Variants in PRPF3 observed in about 807,000 individuals in gnomAD.
PRPF3 encodes the protein U4/U6 small nuclear ribonucleoprotein Prp3.
PRPF3 carries 3 observed loss-of-function variants against 89.2 expected under a neutral mutation model. That is an observed-to-expected ratio of 0.03 (90% confidence interval 0.02 to 0.09). The LOEUF (loss-of-function observed/expected upper bound fraction) is 0.09. PRPF3 is among the 10% of genes least tolerant of loss of function. PRPF3 has a pLI of 1.00. For missense variants in PRPF3, 463 were observed against 828.8 expected (o/e 0.56, Z 5.42); for synonymous variants, 270 against 289.1 (o/e 0.93, Z 0.67).
At chr1:150,324,039 A>C (rs1655420653) in intron 1 of PRPF3, among the ~76,000 whole-genome samples, 1 of 152,032 alleles carries the variant, frequency 6.6e-6, no homozygotes, top group African/African-American at 2.4e-5. Context: ...TCAGCCTCCC[A>C]AAGTGCTGGG....
chr1:150,337,010 T>C (rs1657076554), intron 7 of PRPF3, among the ~76,000 whole-genome samples: 2 of 150,588 alleles, frequency 1.3e-5, no homozygotes, highest in Non-Finnish European at 2.9e-5. Flanking sequence ...CGCCTTTTTA[T>C]CCTCTCAAAG....
At chr1:150,341,105 C>CAAA (rs71086503) in intron 9 of PRPF3, among the ~76,000 whole-genome samples, 26 of 86,192 alleles carry the variant, frequency 3.0e-4, no homozygotes, top group East Asian at 1.2e-3. Flanking sequence ...GACCTTGTCT[C>CAAA]AAAAAAAAAA....
At chr1:150,343,882 C>G (rs914554429) in intron 10 of PRPF3, among the ~76,000 whole-genome samples, 11 of 152,166 alleles carry the variant, frequency 7.2e-5, no homozygotes, top group Non-Finnish European at 1.5e-4. Context: ...TCACTAGATG[C>G]TGTGATCAGT....
intron 7 of PRPF3, 136 bp from the exon 8 acceptor site, chr1:150,338,024 A>G: frequency 1.2e-6 from 1 of 855,964 alleles, no homozygotes; most frequent in Non-Finnish European, 1.8e-6. Flanking sequence ...CTGTTAGCCA[A>G]GACCATGCCA....
intron 3 of PRPF3, chr1:150,327,786 G>A (rs1425728615): frequency 3.6e-6 from 1 of 278,208 alleles, no homozygotes; most frequent in South Asian, 1.3e-4. Context: ...GGGGATTACT[G>A]AAGAAGAAAG....
At chr1:150,338,100 A>C in intron 7 of PRPF3, 60 bp from the exon 8 acceptor site, 1 of 1,555,534 alleles carries the variant, frequency 6.4e-7, no homozygotes, top group East Asian at 2.3e-5. Flanking sequence ...TTGAGATTCT[A>C]CACATTCTGT....
intron 1 of PRPF3, among the ~76,000 whole-genome samples, chr1:150,323,624 GAC>G (rs1491015227): frequency 2.2e-4 from 25 of 113,064 alleles, no homozygotes; most frequent in African/African-American, 8.4e-4. Context: ...GACGGAGTGA[GAC>G]TCTGTCTCAA....
At chr1:150,328,975 A>G (rs184881868) in intron 4 of PRPF3, among the ~76,000 whole-genome samples, 64 of 151,388 alleles carry the variant, frequency 4.2e-4, no homozygotes, top group Admixed American at 4.2e-3. Flanking sequence ...TATAGGCGTG[A>G]GCCAGCGTGC....
intron 1 of PRPF3, among the ~76,000 whole-genome samples, chr1:150,323,845 T>C (rs1260400): frequency 0.67 from 97,709 of 145,862 alleles, 33,464 homozygotes; most frequent in African/African-American, 0.81. Context: ...GGCGCGATCT[T>C]GGCTCACTGC....
chr1:150,346,955 G>A (rs1658325951), intron 14 of PRPF3, among the ~76,000 whole-genome samples: 1 of 152,088 alleles, frequency 6.6e-6, no homozygotes, highest in African/African-American at 2.4e-5. Context: ...GCTGGATGTG[G>A]TGGCACACAC....
At chr1:150,330,873 C>G (rs587645665) in intron 4 of PRPF3, among the ~76,000 whole-genome samples, 4 of 150,632 alleles carry the variant, frequency 2.7e-5, no homozygotes, top group Admixed American at 1.3e-4. Flanking sequence ...CGCGCCACCA[C>G]GCCTAGCTAA....
chr1:150,332,755 C>T lies in PRPF3; in HGVS notation c.495C>T (p.Pro165=). 1 of 1,614,018 alleles carries T rather than the reference C, an allele frequency of 6.2e-7. No homozygotes were observed. Among genetic ancestry groups the T allele is most frequent in the Non-Finnish European group, 8.5e-7 (1 of 1,179,958 alleles). ...AAAAACAGCTGAGCTTCATTAGCCC[C>T]CCTACACCTCAGGTATTGTGTCTAG... The part of the protein sequence containing the change: ...ERKKQLSFIS[P]PTPQPKTPSS... The change falls in exon 5 of 16, where the codon CCC becomes CCT. Residue 165 remains proline, a synonymous_variant. Transcript: ENST00000324862.
At chr1:150,336,265 A>C (rs1305706765) in intron 7 of PRPF3, among the ~76,000 whole-genome samples, 1 of 152,108 alleles carries the variant, frequency 6.6e-6, no homozygotes, top group Non-Finnish European at 1.5e-5. Flanking sequence ...TACAGTTCAC[A>C]ATAGGGTTCG....
chr1:150,339,793 G>A (rs1553869769), intron 8 of PRPF3, among the ~76,000 whole-genome samples: 1 of 140,218 alleles, frequency 7.1e-6, no homozygotes, highest in African/African-American at 2.7e-5. Context: ...GCACAATCTC[G>A]GCTCGCTGCA....
intron 15 of PRPF3, among the ~76,000 whole-genome samples, chr1:150,350,116 G>A (rs943778241): frequency 6.6e-6 from 1 of 151,932 alleles, no homozygotes; most frequent in Non-Finnish European, 1.5e-5. Context: ...GGCTGGTCTT[G>A]AACTCCCAAC....
In PRPF3 at chr1:150,344,033, T is replaced by C. The variant is rs1264438029; in HGVS notation, c.1427-129T>C. ...ATGGGATTTTCAAGATAGGAGTTAT[T>C]GGAGGAAGTGAGTTTAGAGCAGAGA... On this transcript the variant is annotated intron_variant, in intron 10 of 15. Coordinates refer to ENST00000324862, the MANE Select transcript of PRPF3 (RefSeq NM_004698.4). 3 of 796,392 alleles carry C rather than the reference T, an allele frequency of 3.8e-6. No homozygotes were observed. The African/African-American group carries it at 5.1e-5, about 14-fold the overall frequency. The allele number at this position is 796,392 out of a possible 1,614,324, so 49.3% of individuals were successfully genotyped here.
chr1:150,325,507 C>A (rs1655604392), intron 2 of PRPF3, among the ~76,000 whole-genome samples: 1 of 152,144 alleles, frequency 6.6e-6, no homozygotes, highest in South Asian at 2.1e-4. Context: ...TTATTCATCT[C>A]AAACTTGATG....
intron 9 of PRPF3, 51 bp from the exon 10 acceptor site, chr1:150,343,258 T>A: frequency 8.4e-7 from 1 of 1,184,052 alleles, no homozygotes; most frequent in Non-Finnish European, 1.1e-6. Context: ...AATATATATA[T>A]ATATATATGT....
chr1:150,331,073 T>C (rs1367655360), intron 4 of PRPF3, among the ~76,000 whole-genome samples: 1 of 152,164 alleles, frequency 6.6e-6, no homozygotes, highest in Non-Finnish European at 1.5e-5. Context: ...GCTCTTGCAC[T>C]GTTGCCTAGG....
Sources: gnomAD v4.1 joint callset for allele counts (sites outside exome capture counted in the v4.1 genomes callset) on GRCh38, gnomAD v4.1.1 for gene constraint, MANE v1.5 for transcripts, NCBI Gene and HGNC (gene_info 2026-07-23, HGNC 2026-07-21) for gene names.